Variants in GRID2 observed in about 807,000 individuals in gnomAD.
GRID2 encodes glutamate ionotropic receptor delta type subunit 2.
Under a neutral mutation model 114.8 loss-of-function variants are expected in GRID2, and 33 were observed. That is an observed-to-expected ratio of 0.29 (90% confidence interval 0.22 to 0.38). GRID2 has a LOEUF of 0.38. Among genes scored for constraint, GRID2 ranks in the 10% least tolerant of loss-of-function variants. GRID2 has a pLI of 1.00. For missense variants in GRID2, 1,184 were observed against 1,257.7 expected (o/e 0.94, Z 0.89); for synonymous variants, 505 against 449.9 (o/e 1.12, Z -1.55).
intron 2 of GRID2, among the ~76,000 whole-genome samples, chr4:92,702,145 A>AT (rs1734704024): frequency 6.6e-6 from 1 of 151,924 alleles, no homozygotes. Context: ...TATCTATTTT[A>AT]TTTTTCTCCC....
intron 2 of GRID2, among the ~76,000 whole-genome samples, chr4:92,824,010 G>C (rs1416210290): frequency 6.6e-6 from 1 of 152,116 alleles, no homozygotes; most frequent in Non-Finnish European, 1.5e-5. Flanking sequence ...TAATATTATG[G>C]ATAATATCTA....
At position 93,378,609 on chromosome 4, in the gene GRID2, G is replaced by A. The variant is rs140774285; in HGVS notation, c.1246-16998G>A. ...ACACCTGTGATGGGATTCTGCTATTGATATTTAAGTGGATATTTATTAAGG... is the reference window on the plus strand; with the variant it reads ...ACACCTGTGATGGGATTCTGCTATTAATATTTAAGTGGATATTTATTAAGG... On this transcript the variant is annotated intron_variant, in intron 8 of 15. Coordinates refer to ENST00000282020, the MANE Select transcript of GRID2 (RefSeq NM_001510.4). Among the ~76,000 whole-genome samples the A allele has an allele frequency of 2.5e-3, 382 of 152,150 alleles. 1 individual carries two copies. Among genetic ancestry groups the A allele is most frequent in the African/African-American group, 8.5e-3 (354 of 41,544 alleles).
intron 2 of GRID2, among the ~76,000 whole-genome samples, chr4:93,034,936 G>T (rs973937268): frequency 6.6e-6 from 1 of 152,028 alleles, no homozygotes; most frequent in South Asian, 2.1e-4. Flanking sequence ...TCTTTCAGTC[G>T]TTTTAAGAAA....
chr4:92,487,175 T>G (rs1363641609), intron 1 of GRID2, among the ~76,000 whole-genome samples: 1 of 152,016 alleles, frequency 6.6e-6, no homozygotes, highest in Non-Finnish European at 1.5e-5. Flanking sequence ...CATTGATTTA[T>G]TTCTCATTTA....
intron 2 of GRID2, among the ~76,000 whole-genome samples, chr4:93,055,306 T>C (rs991971310): frequency 2.6e-5 from 4 of 151,870 alleles, no homozygotes; most frequent in Non-Finnish European, 5.9e-5. Flanking sequence ...GGTTGCTAGG[T>C]TGACAAAGCA....
intron 13 of GRID2, among the ~76,000 whole-genome samples, chr4:93,620,108 T>A (rs1423886505): frequency 1.3e-5 from 2 of 152,206 alleles, no homozygotes; most frequent in Non-Finnish European, 2.9e-5. Context: ...TGTCTCACAG[T>A]GTTGTAAAGA....
chr4:92,950,208 T>G (rs764370507), intron 2 of GRID2, among the ~76,000 whole-genome samples: 2 of 152,160 alleles, frequency 1.3e-5, no homozygotes, highest in Non-Finnish European at 2.9e-5. Flanking sequence ...TATTTTGTCC[T>G]CCAGCATTCA....
chr4:93,466,319 G>T (rs1353131287), intron 11 of GRID2, among the ~76,000 whole-genome samples: 1 of 152,142 alleles, frequency 6.6e-6, no homozygotes, highest in Non-Finnish European at 1.5e-5. Context: ...CCGAAGTGGA[G>T]CTTAGCCTGC....
intron 1 of GRID2, among the ~76,000 whole-genome samples, chr4:92,537,182 C>T (rs1024527116): frequency 2.0e-5 from 3 of 152,120 alleles, no homozygotes; most frequent in Non-Finnish European, 4.4e-5. Context: ...TACCATTGTG[C>T]ACTCATTGTA....
At chr4:93,472,968 G>C (rs1440258320) in intron 11 of GRID2, among the ~76,000 whole-genome samples, 1 of 152,084 alleles carries the variant, frequency 6.6e-6, no homozygotes, top group Non-Finnish European at 1.5e-5. Context: ...ACACGACAGG[G>C]CTTAGTGCCT....
intron 2 of GRID2, among the ~76,000 whole-genome samples, chr4:92,954,513 A>G (rs867484484): frequency 2.0e-5 from 3 of 150,566 alleles, no homozygotes; most frequent in African/African-American, 7.3e-5. Context: ...TGCAAGCTCC[A>G]CCTCCCAGGT....
chr4:92,653,154 C>A (rs1482862310), intron 2 of GRID2, among the ~76,000 whole-genome samples: 1 of 150,430 alleles, frequency 6.6e-6, no homozygotes, highest in African/African-American at 2.4e-5. Context: ...CTTGCCACCA[C>A]ACCCGGCTAA....
At chr4:92,469,176 A>G (rs1721899721) in intron 1 of GRID2, among the ~76,000 whole-genome samples, 1 of 152,166 alleles carries the variant, frequency 6.6e-6, no homozygotes, top group South Asian at 2.1e-4. Context: ...CTCCTTATCA[A>G]AGAAAACTTT....
intron 2 of GRID2, among the ~76,000 whole-genome samples, chr4:92,719,207 G>A (rs571454496): frequency 2.0e-5 from 3 of 152,034 alleles, no homozygotes; most frequent in South Asian, 2.1e-4. Context: ...AGTTGGTCTC[G>A]AACTCCTGAA....
rs538328618 is a variant in GRID2, at chr4:92,758,176, CT to C, written c.244+167897del. The stretch of plus-strand genomic sequence containing the variant: ...AGTCTGTTCTCTTTTGCTTGTTTGC[CT>C]TTTTTTCTTTCAAAGTGGTATATAA... On this transcript the variant is annotated intron_variant, in intron 2 of 15. Transcript: ENST00000282020. Among the ~76,000 whole-genome samples the C allele has an allele frequency of 2.4e-4, 37 of 152,040 alleles. No individual in the cohort carries two copies. In the South Asian group the frequency reaches 7.5e-3, roughly 31 times the overall value.
At chr4:92,556,057 A>C (rs1296999617) in intron 1 of GRID2, among the ~76,000 whole-genome samples, 1 of 152,104 alleles carries the variant, frequency 6.6e-6, no homozygotes, top group Non-Finnish European at 1.5e-5. Context: ...CTGAGATGTA[A>C]TCTCCAGGGA....
chr4:93,148,905 A>T (rs934894761), intron 4 of GRID2, among the ~76,000 whole-genome samples: 1 of 152,232 alleles, frequency 6.6e-6, no homozygotes, highest in Non-Finnish European at 1.5e-5. Context: ...GAATTTCAGC[A>T]TTGCTAGTAC....
intron 2 of GRID2, among the ~76,000 whole-genome samples, chr4:92,734,841 C>T (rs1245600522): frequency 6.8e-6 from 1 of 147,568 alleles, no homozygotes; most frequent in Admixed American, 6.9e-5. Context: ...TGCTGTGATG[C>T]AATCATGGCT....
At chr4:93,086,005 G>T (rs1015235580) in intron 3 of GRID2, among the ~76,000 whole-genome samples, 6 of 151,998 alleles carry the variant, frequency 3.9e-5, no homozygotes, top group Non-Finnish European at 8.8e-5. Flanking sequence ...TATTTTTTCT[G>T]AATTTATCTA....
Sources: gnomAD v4.1 joint callset for allele counts (sites outside exome capture counted in the v4.1 genomes callset) on GRCh38, gnomAD v4.1.1 for gene constraint, MANE v1.5 for transcripts, NCBI Gene and HGNC (gene_info 2026-07-23, HGNC 2026-07-21) for gene names.